Variants in NOX4 observed in about 807,000 individuals in gnomAD.
NOX4 encodes NADPH oxidase 4, also known as kidney oxidase-1.
Under a neutral mutation model 87.6 loss-of-function variants are expected in NOX4, and 69 were observed. That is an observed-to-expected ratio of 0.79 (90% CI 0.65 to 0.96). The LOEUF (loss-of-function observed/expected upper bound fraction) is 0.96. NOX4 is among the 40% of genes least tolerant of loss of function. NOX4 has a pLI of 0.00. For missense variants in NOX4, 680 were observed against 681.5 expected, an observed-to-expected ratio of 1.00 and a Z score of 0.02; for synonymous variants, 275 against 238.2, an observed-to-expected ratio of 1.15 and a Z score of -1.42.
At chr11:89,585,092 C>G in the NOX4 span, among the ~76,000 whole-genome samples, 1 of 152,132 alleles carries the variant, frequency 6.6e-6, no homozygotes, top group African/African-American at 2.4e-5. Flanking sequence ...CTGGCATCAC[C>G]TGAGGCATTA....
chr11:89,359,687 C>T lies in NOX4; in HGVS notation c.1136-4644G>A, dbSNP rs117841375. On this transcript the variant is annotated intron_variant, in intron 12 of 17. Transcript: ENST00000263317. ...CTATTGTTTGCTAGAGAGACCCAGA[C>T]AGGTTTTGCCAATTCCAAATCATTG... 8.8e-3 allele frequency among the ~76,000 whole-genome samples: 1,339 copies of T among 152,098 alleles called. 12 individuals are homozygous for T. The highest frequency in any genetic ancestry group is 0.02 in the Middle Eastern group (6 of 294).
chr11:89,368,570 G>A lies in NOX4; in HGVS notation c.1135+4862C>T, dbSNP rs192766166. Reference sequence around the variant, plus strand: ...ACACATGGTAGAAGAGCAGAAGAGAGTCAATCAACTCCCTCAATCCCTTTC... The same window carrying A: ...ACACATGGTAGAAGAGCAGAAGAGAATCAATCAACTCCCTCAATCCCTTTC... On this transcript the variant is annotated intron_variant, in intron 12 of 17. Coordinates refer to ENST00000263317, the MANE Select transcript of NOX4 (RefSeq NM_016931.5). Among the ~76,000 whole-genome samples the A allele has an allele frequency of 7.2e-5, 11 of 152,134 alleles. No homozygotes were observed. In the East Asian group the frequency reaches 2.1e-3, roughly 29 times the overall value.
chr11:89,487,740 A>C (rs1946688427), intron 2 of NOX4, among the ~76,000 whole-genome samples: 1 of 152,196 alleles, frequency 6.6e-6, no homozygotes, highest in East Asian at 1.9e-4. Context: ...AATAACATAT[A>C]GTTCTTAAAA....
intron 2 of NOX4, among the ~76,000 whole-genome samples, chr11:89,463,328 T>A: frequency 6.6e-6 from 1 of 151,958 alleles, no homozygotes; most frequent in East Asian, 1.9e-4. Context: ...CCCTTTGGTA[T>A]TGATGCAATA....
the NOX4 span, among the ~76,000 whole-genome samples, chr11:89,508,211 GA>G: frequency 1.3e-5 from 2 of 152,066 alleles, no homozygotes; most frequent in African/African-American, 4.8e-5. Context: ...GCATTAGGTA[GA>G]AAAACAAACA....
chr11:89,365,884 G>A (rs1273126551), intron 12 of NOX4, among the ~76,000 whole-genome samples: 4 of 151,830 alleles, frequency 2.6e-5, no homozygotes, highest in Non-Finnish European at 5.9e-5. Flanking sequence ...AAACAGCCAT[G>A]TAGTGAGTCT....
chr11:89,490,973 C>A, intron 1 of NOX4: 1 of 712,846 alleles, frequency 1.4e-6, no homozygotes, highest in Non-Finnish European at 2.6e-6. Context: ...TCTCTCCCAT[C>A]AATGTGCAGA....
intron 2 of NOX4, among the ~76,000 whole-genome samples, chr11:89,478,320 A>G (rs1237784060): frequency 6.6e-6 from 1 of 152,226 alleles, no homozygotes; most frequent in Non-Finnish European, 1.5e-5. Context: ...TCAATTAATA[A>G]TATAAATCTC....
At chr11:89,568,084 G>A in the NOX4 span, among the ~76,000 whole-genome samples, 1 of 152,138 alleles carries the variant, frequency 6.6e-6, no homozygotes, top group Non-Finnish European at 1.5e-5. Flanking sequence ...ACGAAGTTAT[G>A]GGCCTGGACA....
chr11:89,337,205 T>C (rs1210438353), intron 16 of NOX4, among the ~76,000 whole-genome samples: 1 of 151,976 alleles, frequency 6.6e-6, no homozygotes, highest in African/African-American at 2.4e-5. Context: ...TTAGAAGAAC[T>C]TGAGGCGATA....
chr11:89,546,547 T>C, the NOX4 span: 1 of 152,206 alleles, frequency 6.6e-6, no homozygotes, highest in Non-Finnish European at 1.5e-5. Context: ...ACTTTTCAGT[T>C]TCTTATGGTT....
intron 2 of NOX4, among the ~76,000 whole-genome samples, chr11:89,484,993 G>A (rs1281616148): frequency 1.3e-5 from 2 of 152,162 alleles, no homozygotes; most frequent in East Asian, 3.9e-4. Flanking sequence ...AAGCTGCCCA[G>A]GCCAGCTGTG....
intron 2 of NOX4, among the ~76,000 whole-genome samples, chr11:89,454,106 G>A (rs975632467): frequency 1.3e-5 from 2 of 152,108 alleles, no homozygotes; most frequent in South Asian, 2.1e-4. Flanking sequence ...CCTACACAGT[G>A]TGATTAGGAT....
chr11:89,548,723 A>G, the NOX4 span: 1 of 152,192 alleles, frequency 6.6e-6, no homozygotes, highest in African/African-American at 2.4e-5. Context: ...ACTTGGAGAT[A>G]ATTATTTGAA....
chr11:89,407,626 T>C (rs557251920), intron 8 of NOX4, among the ~76,000 whole-genome samples: 56 of 152,204 alleles, frequency 3.7e-4, no homozygotes, highest in South Asian at 1.2e-3. Context: ...ATAATTATAC[T>C]ATCTTGGTGT....
At chr11:89,530,673 C>T in the NOX4 span, among the ~76,000 whole-genome samples, 3 of 151,932 alleles carry the variant, frequency 2.0e-5, no homozygotes, top group Non-Finnish European at 4.4e-5. Context: ...GATTAGTTGT[C>T]TATTTTTTAG....
intron 17 of NOX4, among the ~76,000 whole-genome samples, chr11:89,329,760 A>G (rs1945392529): frequency 6.6e-6 from 1 of 152,100 alleles, no homozygotes; most frequent in South Asian, 2.1e-4. Flanking sequence ...CAACTATTAT[A>G]TAACAAGCAA....
intron 2 of NOX4, among the ~76,000 whole-genome samples, chr11:89,483,392 A>T (rs564535864): frequency 6.6e-6 from 1 of 152,278 alleles, no homozygotes; most frequent in East Asian, 1.9e-4. Context: ...GTATGTATAC[A>T]TAATAGGATA....
intron 12 of NOX4, among the ~76,000 whole-genome samples, chr11:89,362,635 T>C (rs1442286626): frequency 6.6e-6 from 1 of 152,108 alleles, no homozygotes; most frequent in Non-Finnish European, 1.5e-5. Context: ...TGTGTGTGTG[T>C]ATATATAGAT....
Sources: gnomAD v4.1 joint callset for allele counts (sites outside exome capture counted in the v4.1 genomes callset) on GRCh38, gnomAD v4.1.1 for gene constraint, MANE v1.5 for transcripts, NCBI Gene and HGNC (gene_info 2026-07-23, HGNC 2026-07-21) for gene names.